NRG3: variants seen among roughly 807,000 people sequenced by gnomAD.
The protein encoded by NRG3 is neuregulin 3, also known as pro-neuregulin-3, membrane-bound isoform.
Under a neutral mutation model 66.9 loss-of-function variants are expected in NRG3, and 31 were observed. The observed-to-expected ratio is 0.46, with a 90% confidence interval of 0.35 to 0.63. NRG3 has a LOEUF of 0.63. Ranked by LOEUF, NRG3 falls within the 20% of genes least tolerant of loss-of-function variation. The pLI, the probability that NRG3 is intolerant of heterozygous loss-of-function variation, is 0.00. For synonymous variants in NRG3, 393 were observed against 359.4 expected, an observed-to-expected ratio of 1.09 and a Z score of -1.06; for missense variants, 910 against 878.9, an observed-to-expected ratio of 1.04 and a Z score of -0.45.
intron 2 of NRG3, among the ~76,000 whole-genome samples, chr10:82,734,518 G>A (rs2820107): frequency 0.55 from 84,219 of 151,794 alleles, 23,868 homozygotes; most frequent in Admixed American, 0.61. Context: ...TGATACTTCA[G>A]TTGGGCTCAG....
At chr10:82,877,562 G>GTTT (rs1841946723) in intron 4 of NRG3, among the ~76,000 whole-genome samples, 14 of 109,316 alleles carry the variant, frequency 1.3e-4, no homozygotes, top group Admixed American at 3.2e-4. Flanking sequence ...TTTTTTTTTG[G>GTTT]ATTTTTAGTG....
chr10:82,773,013 T>A (rs2059775046), intron 3 of NRG3, among the ~76,000 whole-genome samples: 1 of 152,136 alleles, frequency 6.6e-6, no homozygotes, highest in African/African-American at 2.4e-5. Context: ...CCTGTTTCCG[T>A]ATCTTGGCTA....
At chr10:82,347,316 C>T (rs920682037) in intron 1 of NRG3, among the ~76,000 whole-genome samples, 20 of 151,448 alleles carry the variant, frequency 1.3e-4, no homozygotes, top group Middle Eastern at 3.4e-3. Flanking sequence ...GCCTTCATTT[C>T]GTTATGTACC....
chr10:82,089,016 C>T (rs1252280800), intron 1 of NRG3, among the ~76,000 whole-genome samples: 2 of 151,144 alleles, frequency 1.3e-5, no homozygotes, highest in African/African-American at 2.4e-5. Flanking sequence ...AAAGAATCAA[C>T]AAAGTATGAA....
intron 2 of NRG3, among the ~76,000 whole-genome samples, chr10:82,506,052 C>G (rs1299399775): frequency 6.6e-6 from 1 of 152,104 alleles, no homozygotes; most frequent in African/African-American, 2.4e-5. Context: ...CTGAGACCAT[C>G]CTGGCTAACA....
At chr10:82,405,834 G>A in intron 2 of NRG3, among the ~76,000 whole-genome samples, 1 of 152,142 alleles carries the variant, frequency 6.6e-6, no homozygotes, top group Non-Finnish European at 1.5e-5. Flanking sequence ...TGGACCCTGA[G>A]TAGATTGGCA....
At chr10:82,651,540 A>C (rs1236395430) in intron 2 of NRG3, among the ~76,000 whole-genome samples, 1 of 152,244 alleles carries the variant, frequency 6.6e-6, no homozygotes, top group East Asian at 1.9e-4. Context: ...GGAGAAGCCT[A>C]CATGACAAGG....
intron 2 of NRG3, among the ~76,000 whole-genome samples, chr10:82,493,856 A>G (rs1843379087): frequency 6.6e-6 from 1 of 151,348 alleles, no homozygotes. Context: ...CATCTGACAA[A>G]CATCTAATAT....
chr10:82,349,781 A>T (rs1300747845), intron 1 of NRG3, among the ~76,000 whole-genome samples: 1 of 152,166 alleles, frequency 6.6e-6, no homozygotes, highest in Non-Finnish European at 1.5e-5. Flanking sequence ...GCCGTTTTTT[A>T]AGCCAGTCGG....
intron 3 of NRG3, among the ~76,000 whole-genome samples, chr10:82,851,674 G>A (rs1432108863): frequency 6.6e-6 from 1 of 152,132 alleles, no homozygotes; most frequent in Non-Finnish European, 1.5e-5. Context: ...ATACAGGAGA[G>A]AAGGAACTAC....
chr10:81,879,888 A>G (rs934406196), intron 1 of NRG3, among the ~76,000 whole-genome samples: 2 of 152,210 alleles, frequency 1.3e-5, no homozygotes, highest in African/African-American at 2.4e-5. Context: ...TTACTTCTGT[A>G]CATTGTATTC....
chr10:82,044,525 A>G (rs1280933224), intron 1 of NRG3, among the ~76,000 whole-genome samples: 1 of 152,076 alleles, frequency 6.6e-6, no homozygotes, highest in Non-Finnish European at 1.5e-5. Flanking sequence ...CCAGCTGGAA[A>G]TCAGTGTTTT....
At chr10:82,160,976 A>G (rs1281399483) in intron 1 of NRG3, among the ~76,000 whole-genome samples, 4 of 152,090 alleles carry the variant, frequency 2.6e-5, no homozygotes, top group African/African-American at 9.7e-5. Flanking sequence ...GAAAATGTGT[A>G]CTATAATACA....
At chr10:82,966,886 T>A (rs114361852) in intron 6 of NRG3, among the ~76,000 whole-genome samples, 449 of 152,226 alleles carry the variant, frequency 2.9e-3, no homozygotes, top group African/African-American at 0.01. Context: ...GCTTATGTCA[T>A]TTTAACATTA....
chr10:82,763,204 C>T lies in NRG3; in HGVS notation c.1027+24554C>T, dbSNP rs573240696. Among the ~76,000 whole-genome samples, 13 of 152,196 alleles carry T rather than the reference C, an allele frequency of 8.5e-5. No homozygotes were observed. In the South Asian group the frequency reaches 1.9e-3, roughly 22 times the overall value. ...AATTCAAATATGCCATGACAAACAG[C>T]GACCTTTTCCAGAGGTTTTGTAATA... On this transcript the variant is annotated intron_variant, in intron 3 of 8. Coordinates refer to ENST00000372141, the MANE Select transcript of NRG3 (RefSeq NM_001010848.4).
At chr10:82,904,226 C>G (rs1844505267) in intron 4 of NRG3, among the ~76,000 whole-genome samples, 1 of 152,058 alleles carries the variant, frequency 6.6e-6, no homozygotes, top group Non-Finnish European at 1.5e-5. Flanking sequence ...TTTAGCTCAA[C>G]AGCTATTGTT....
At chr10:82,344,096 G>T (rs1277222794) in intron 1 of NRG3, among the ~76,000 whole-genome samples, 1 of 149,562 alleles carries the variant, frequency 6.7e-6, no homozygotes, top group Non-Finnish European at 1.5e-5. Flanking sequence ...AAGTTTTAGG[G>T]TACATGTGCA....
At chr10:82,775,506 A>G (rs2059880422) in intron 3 of NRG3, among the ~76,000 whole-genome samples, 1 of 152,058 alleles carries the variant, frequency 6.6e-6, no homozygotes. Flanking sequence ...CAAATTTTTT[A>G]ATACTTGTTT....
chr10:82,917,970 G>GTGTGTA (rs1554841532), intron 4 of NRG3, among the ~76,000 whole-genome samples: 63 of 114,004 alleles, frequency 5.5e-4, no homozygotes, highest in South Asian at 1.9e-3. Context: ...GTGTGTGTGT[G>GTGTGTA]TATATATATA....
Sources: allele counts gnomAD v4.1 joint callset (sites outside exome capture counted in the v4.1 genomes callset), GRCh38; gene constraint gnomAD v4.1.1; transcripts MANE v1.5; gene names NCBI Gene and HGNC (gene_info 2026-07-23, HGNC 2026-07-21).